The following BICD1 variants were observed in gnomAD, a reference collection of about 807,000 sequenced individuals.
BICD1 encodes the protein protein bicaudal D homolog 1.
In BICD1, 35 loss-of-function variants were observed where a neutral mutation model predicts 92.5. The ratio of observed to expected loss-of-function variants is 0.38; its 90% CI spans 0.29 to 0.50. BICD1 has a LOEUF of 0.50. Ranked by LOEUF, BICD1 falls within the 20% of genes least tolerant of loss-of-function variation. BICD1 has a pLI of 0.93. For missense variants in BICD1, 950 were observed against 1,189.8 expected, an observed-to-expected ratio of 0.80 and a Z score of 2.97; for synonymous variants, 429 against 465.1, an observed-to-expected ratio of 0.92 and a Z score of 1.00.
rs142856345 is a variant in BICD1 at position 32,142,107 on chromosome 12, C to T, written c.213+34563C>T. ...CTGAAACTCTATTGAAGTATGTCAA[C>T]ATAAAAGTTTATTGACAGCCTGGCG... On this transcript the variant is annotated intron_variant, in intron 1 of 9. Coordinates refer to ENST00000652176, the MANE Select transcript of BICD1 (RefSeq NM_001714.4). Among the ~76,000 whole-genome samples, 17 of 152,048 alleles carry T rather than the reference C, an allele frequency of 1.1e-4. No individual in the cohort carries two copies. The East Asian group carries it at 2.9e-3, about 26-fold the overall frequency.
chr12:32,252,569 C>T (rs1946595738), intron 2 of BICD1, among the ~76,000 whole-genome samples: 2 of 152,046 alleles, frequency 1.3e-5, no homozygotes, highest in South Asian at 2.1e-4. Flanking sequence ...AATTATCAGG[C>T]GTTTCTTTCA....
At chr12:32,271,341 G>T (rs1947136428) in intron 2 of BICD1, among the ~76,000 whole-genome samples, 1 of 152,186 alleles carries the variant, frequency 6.6e-6, no homozygotes, top group Non-Finnish European at 1.5e-5. Flanking sequence ...AAAATGCACA[G>T]TTCGTCTATT....
chr12:32,363,128 A>G (rs1406157258), intron 8 of BICD1, among the ~76,000 whole-genome samples: 2 of 152,104 alleles, frequency 1.3e-5, no homozygotes, highest in Non-Finnish European at 2.9e-5. Context: ...TTTCTTTTCT[A>G]TCTTCCCTTC....
intron 1 of BICD1, among the ~76,000 whole-genome samples, chr12:32,123,114 G>C (rs968576332): frequency 2.0e-5 from 3 of 152,100 alleles, no homozygotes; most frequent in African/African-American, 4.8e-5. Flanking sequence ...AAATGCTATG[G>C]GGGGAAAAAA....
At chr12:32,252,110 ATATAT>A (rs535897998) in intron 2 of BICD1, among the ~76,000 whole-genome samples, 6,812 of 63,376 alleles carry the variant, frequency 0.11, 1,699 homozygotes, top group Middle Eastern at 0.29. Flanking sequence ...AATAAATATT[ATATAT>A]TATATATTTA....
At chr12:32,219,775 A>G (rs1296931789) in intron 2 of BICD1, among the ~76,000 whole-genome samples, 1 of 152,198 alleles carries the variant, frequency 6.6e-6, no homozygotes, top group African/African-American at 2.4e-5. Flanking sequence ...TCACTTTTAA[A>G]CGTTTTGATT....
At chr12:32,121,941 G>A (rs1285522554) in intron 1 of BICD1, among the ~76,000 whole-genome samples, 5 of 151,960 alleles carry the variant, frequency 3.3e-5, no homozygotes, top group South Asian at 2.1e-4. Flanking sequence ...AGCCTCCTGA[G>A]TAGCTGGGAC....
At chr12:32,230,586 A>G (rs2650145) in intron 2 of BICD1, among the ~76,000 whole-genome samples, 64,213 of 151,988 alleles carry the variant, frequency 0.42, 13,936 homozygotes, top group Middle Eastern at 0.49. Context: ...TGTTTGCTAC[A>G]TAACAGTAAC....
chr12:32,314,752 T>C (rs1200133958), intron 4 of BICD1, among the ~76,000 whole-genome samples: 1 of 143,878 alleles, frequency 7.0e-6, no homozygotes, highest in Non-Finnish European at 1.5e-5. Flanking sequence ...TCCTTTGATG[T>C]ACAAAGGAGT....
At chr12:32,369,831 G>T (rs1313259541) in intron 9 of BICD1, among the ~76,000 whole-genome samples, 1 of 151,914 alleles carries the variant, frequency 6.6e-6, no homozygotes, top group East Asian at 1.9e-4. Flanking sequence ...ACTTGAGCTC[G>T]GGAGGTCAAG....
chr12:32,140,783 G>A (rs1456656573), intron 1 of BICD1, among the ~76,000 whole-genome samples: 1 of 151,290 alleles, frequency 6.6e-6, no homozygotes, highest in African/African-American at 2.4e-5. Flanking sequence ...CACAGTGTTC[G>A]TATTACATAC....
At chr12:32,139,495 A>C (rs1317726243) in intron 1 of BICD1, among the ~76,000 whole-genome samples, 1 of 152,190 alleles carries the variant, frequency 6.6e-6, no homozygotes, top group Non-Finnish European at 1.5e-5. Context: ...CGCTCAGTAA[A>C]TACTTGCTGA....
In BICD1 at chr12:32,381,114, A is replaced by G. The variant is rs1940161672; in HGVS notation, c.*3487A>G. ...AAGTTTTAAAATACATTAAAATTTT[A>G]CTGGTTAATCATAAAATATTTTATA... On this transcript the variant is annotated 3_prime_UTR_variant, in exon 10 of 10. Coordinates refer to ENST00000652176, the MANE Select transcript of BICD1 (RefSeq NM_001714.4). The G allele has an allele frequency of 6.6e-6, 1 of 152,118 alleles. No homozygotes were observed. The highest frequency in any genetic ancestry group is 2.1e-4 in the South Asian group (1 of 4,828). 9.4% of individuals were successfully genotyped at this position (152,118 alleles called of 1,614,324 possible).
At chr12:32,177,264 G>C (rs1944117664) in intron 1 of BICD1, among the ~76,000 whole-genome samples, 1 of 151,062 alleles carries the variant, frequency 6.6e-6, no homozygotes, top group African/African-American at 2.4e-5. Flanking sequence ...GCAGTGAGCT[G>C]AGATCACACC....
rs1270593249 is a variant in BICD1, at chr12:32,287,543, G to GT, written c.427-6440dup. Among the ~76,000 whole-genome samples, 729 of 135,946 alleles carry GT rather than the reference G, an allele frequency of 5.4e-3. 2 individuals are homozygous for GT. Among genetic ancestry groups the GT allele is most frequent in the East Asian group, 0.029 (134 of 4,682 alleles). 89.2% of individuals were successfully genotyped at this position (135,946 alleles called of 152,430 possible). On this transcript the variant is annotated intron_variant, in intron 2 of 9. Transcript: ENST00000652176. ...TCAGCTGGGTGGTGTTTTTTTTTTT[G>GT]TTTTTTTTTTTGAGATGGAGTCTGT...
chr12:32,260,733 A>C (rs1432112145), intron 2 of BICD1, among the ~76,000 whole-genome samples: 2 of 151,624 alleles, frequency 1.3e-5, no homozygotes, highest in East Asian at 1.9e-4. Context: ...ATGGTTGTCT[A>C]TCATGTTACT....
chr12:32,246,680 T>A (rs1370634449), intron 2 of BICD1, among the ~76,000 whole-genome samples: 2 of 152,210 alleles, frequency 1.3e-5, no homozygotes, highest in African/African-American at 4.8e-5. Flanking sequence ...TTGCAGATTT[T>A]CAGTGTTTAT....
intron 2 of BICD1, among the ~76,000 whole-genome samples, chr12:32,229,622 G>C (rs996652452): frequency 6.6e-6 from 1 of 152,170 alleles, no homozygotes; most frequent in Non-Finnish European, 1.5e-5. Flanking sequence ...TTTCCATAGA[G>C]TGTTGGGAGA....
chr12:32,176,069 C>T (rs927045246), intron 1 of BICD1, among the ~76,000 whole-genome samples: 9 of 152,148 alleles, frequency 5.9e-5, no homozygotes, highest in African/African-American at 2.2e-4. Context: ...TATTCTCTTC[C>T]TCTGTTGCTG....
Sources: gnomAD v4.1 joint callset for allele counts (sites outside exome capture counted in the v4.1 genomes callset) on GRCh38, gnomAD v4.1.1 for gene constraint, MANE v1.5 for transcripts, NCBI Gene and HGNC (gene_info 2026-07-23, HGNC 2026-07-21) for gene names.